Variants in GRIK2 observed in about 807,000 individuals in gnomAD.
The protein encoded by GRIK2 is glutamate receptor ionotropic, kainate 2.
A neutral mutation model predicts 100.3 loss-of-function variants in GRIK2; 32 were observed. The ratio of observed to expected loss-of-function variants is 0.32; its 90% CI spans 0.24 to 0.43. The LOEUF (loss-of-function observed/expected upper bound fraction) is 0.43, where lower values mean the gene tolerates loss of function less well. GRIK2 is among the 20% of genes least tolerant of loss of function. The pLI is 1.00. For missense variants in GRIK2, 843 were observed against 1,114.9 expected (o/e 0.76, Z 3.47); for synonymous variants, 417 against 389.4 (o/e 1.07, Z -0.83).
At chr6:101,681,022 T>G (rs527771452) in intron 5 of GRIK2, among the ~76,000 whole-genome samples, 1 of 152,242 alleles carries the variant, frequency 6.6e-6, no homozygotes, top group African/African-American at 2.4e-5. Context: ...CACAAATATC[T>G]ATTCCTTCTT....
intron 15 of GRIK2, 52 bp downstream of exon 15, chr6:102,035,618 AAGAC>A (rs916157450): frequency 1.4e-5 from 15 of 1,076,474 alleles, no homozygotes; most frequent in Non-Finnish European, 2.0e-5. Context: ...GAGTTGCTGT[AAGAC>A]AGGGGAAAAA....
intron 2 of GRIK2, among the ~76,000 whole-genome samples, chr6:101,405,968 A>AG (rs1775572777): frequency 6.6e-6 from 1 of 152,210 alleles, no homozygotes; most frequent in South Asian, 2.1e-4. Context: ...ACAGCAGGTG[A>AG]GGGGGGATGT....
At position 101,548,252 on chromosome 6, in the gene GRIK2, G is replaced by T. The variant is rs192036778; in HGVS notation, c.116-73697G>T. On this transcript the variant is annotated intron_variant, in intron 2 of 16. Transcript: ENST00000369134. Reference sequence around the variant, plus strand: ...ATCAGATGAGTAGATTGCAAAAATTGTCTCCCATTTTGTAGGTTGCCTGTT... The same window carrying T: ...ATCAGATGAGTAGATTGCAAAAATTTTCTCCCATTTTGTAGGTTGCCTGTT... 2.7e-3 allele frequency among the ~76,000 whole-genome samples: 414 copies of T among 151,916 alleles called. 2 individuals carry two copies. The highest frequency in any genetic ancestry group is 0.01 in the Middle Eastern group (3 of 294).
At chr6:101,841,567 T>C (rs1783505441) in intron 10 of GRIK2, among the ~76,000 whole-genome samples, 1 of 152,106 alleles carries the variant, frequency 6.6e-6, no homozygotes, top group African/African-American at 2.4e-5. Context: ...GTTTGCCATG[T>C]TGGCCAGGCT....
intron 2 of GRIK2, among the ~76,000 whole-genome samples, chr6:101,609,578 A>G (rs950755122): frequency 3.3e-5 from 5 of 151,906 alleles, no homozygotes; most frequent in South Asian, 2.1e-4. Flanking sequence ...AATTTCTACA[A>G]CATTTTAATA....
intron 2 of GRIK2, among the ~76,000 whole-genome samples, chr6:101,403,113 T>C (rs747596383): frequency 1.3e-5 from 2 of 152,188 alleles, no homozygotes; most frequent in South Asian, 4.1e-4. Flanking sequence ...CCCTCACATG[T>C]TTAAGCATCC....
chr6:101,593,606 A>G (rs1778779778), intron 2 of GRIK2, among the ~76,000 whole-genome samples: 1 of 151,932 alleles, frequency 6.6e-6, no homozygotes, highest in Non-Finnish European at 1.5e-5. Context: ...ACAGAGCCTA[A>G]AATAGAAAGG....
intron 7 of GRIK2, among the ~76,000 whole-genome samples, chr6:101,721,216 C>A (rs1278193358): frequency 6.6e-6 from 1 of 151,746 alleles, no homozygotes; most frequent in East Asian, 1.9e-4. Context: ...CTTTTCTATT[C>A]TAAAAGGCAG....
rs561799955 is a variant in GRIK2 at position 101,762,732 on chromosome 6, C to T, written c.952-36916C>T. On this transcript the variant is annotated intron_variant, in intron 7 of 16. Transcript: ENST00000369134. ...CCTTGACAGGATTTGAAGTTTTTTT[C>T]TAATTCAAGATGCTAATTACAGCTT... 2.8e-4 allele frequency among the ~76,000 whole-genome samples: 42 copies of T among 152,202 alleles called. 1 individual carries two copies. The highest frequency in any genetic ancestry group is 9.9e-4 in the African/African-American group (41 of 41,534).
At chr6:101,763,353 G>T (rs529396980) in intron 7 of GRIK2, among the ~76,000 whole-genome samples, 2 of 152,058 alleles carry the variant, frequency 1.3e-5, no homozygotes, top group South Asian at 4.1e-4. Flanking sequence ...TCTAGAAATG[G>T]CATATAAGTC....
intron 14 of GRIK2, among the ~76,000 whole-genome samples, chr6:101,981,813 T>TA (rs143911241): frequency 0.017 from 2,619 of 150,288 alleles, 75 homozygotes; most frequent in African/African-American, 0.06. Flanking sequence ...AAAGTGGAGG[T>TA]AAAAAAAAAG....
At chr6:101,688,187 A>T (rs1771846568) in intron 7 of GRIK2, among the ~76,000 whole-genome samples, 1 of 150,316 alleles carries the variant, frequency 6.7e-6, no homozygotes, top group Admixed American at 6.7e-5. Context: ...ATGTCTTATT[A>T]TTTATTTTCA....
At chr6:101,472,613 G>T (rs895767595) in intron 2 of GRIK2, among the ~76,000 whole-genome samples, 1 of 151,726 alleles carries the variant, frequency 6.6e-6, no homozygotes, top group Non-Finnish European at 1.5e-5. Context: ...AATTCATGAA[G>T]TTTGTGAAGA....
At chr6:101,473,500 T>C (rs562013339) in intron 2 of GRIK2, among the ~76,000 whole-genome samples, 7 of 151,998 alleles carry the variant, frequency 4.6e-5, no homozygotes, top group South Asian at 2.1e-4. Context: ...GCTAGTCTTA[T>C]ATGCTTTCTT....
intron 7 of GRIK2, among the ~76,000 whole-genome samples, chr6:101,763,409 A>T (rs1777851102): frequency 6.6e-6 from 1 of 152,210 alleles, no homozygotes; most frequent in South Asian, 2.1e-4. Context: ...ATTAAACAAC[A>T]CAAATTAACT....
intron 2 of GRIK2, among the ~76,000 whole-genome samples, chr6:101,450,688 G>A (rs1770626742): frequency 6.6e-6 from 1 of 151,412 alleles, no homozygotes; most frequent in Admixed American, 6.6e-5. Flanking sequence ...AATGTACTTT[G>A]ATATGGTGTA....
intron 2 of GRIK2, among the ~76,000 whole-genome samples, chr6:101,509,157 C>CAAAAA (rs397885238): frequency 7.0e-5 from 7 of 100,306 alleles, no homozygotes; most frequent in African/African-American, 1.5e-4. Flanking sequence ...GACTCTGTCT[C>CAAAAA]AAAAAAAAAA....
intron 2 of GRIK2, among the ~76,000 whole-genome samples, chr6:101,515,391 T>G (rs1322069048): frequency 1.3e-5 from 2 of 152,088 alleles, no homozygotes; most frequent in Non-Finnish European, 2.9e-5. Flanking sequence ...GTACAAGTAT[T>G]TTTTAAGAAT....
At chr6:102,065,656 G>A in intron 16 of GRIK2, 1 of 513,510 alleles carries the variant, frequency 1.9e-6, no homozygotes, top group Non-Finnish European at 3.4e-6. Context: ...TTGAAGATTT[G>A]GGAAATTTAT....
Sources: allele counts gnomAD v4.1 joint callset (sites outside exome capture counted in the v4.1 genomes callset), GRCh38; gene constraint gnomAD v4.1.1; transcripts MANE v1.5; gene names NCBI Gene and HGNC (gene_info 2026-07-23, HGNC 2026-07-21).